The following VAV2 variants were observed in gnomAD, a reference collection of about 807,000 sequenced individuals.
VAV2 encodes vav guanine nucleotide exchange factor 2, also known as guanine nucleotide exchange factor VAV2.
VAV2 carries 67 observed loss-of-function variants against 132.5 expected under a neutral mutation model. The observed-to-expected ratio is 0.51, with a 90% CI of 0.42 to 0.62. The LOEUF is 0.62. Ranked by LOEUF, VAV2 falls within the 20% of genes least tolerant of loss-of-function variation. The probability of loss-of-function intolerance (pLI) is 0.00; values close to 1 mark genes in which losing one functional copy is unlikely to be tolerated. For missense variants in VAV2, 938 were observed against 1,153.6 expected, an observed-to-expected ratio of 0.81 and a Z score of 2.71; for synonymous variants, 492 against 443.5, an observed-to-expected ratio of 1.11 and a Z score of -1.37.
At chr9:133,807,502 G>A (rs1835196224) in intron 7 of VAV2, among the ~76,000 whole-genome samples, 176 bp from the exon 8 acceptor site, 2 of 152,240 alleles carry the variant, frequency 1.3e-5, no homozygotes, top group Middle Eastern at 3.2e-3. Flanking sequence ...GGTGAGTGCA[G>A]GGCAGGAAGG....
At chr9:133,781,522 G>A (rs1834007155) in intron 19 of VAV2, among the ~76,000 whole-genome samples, 1 of 152,150 alleles carries the variant, frequency 6.6e-6, no homozygotes, top group Non-Finnish European at 1.5e-5. Flanking sequence ...CAATGACTGT[G>A]CCTGATGGGG....
intron 8 of VAV2, among the ~76,000 whole-genome samples, 194 bp from the exon 9 acceptor site, chr9:133,806,375 A>C (rs1835144162): frequency 6.6e-6 from 1 of 152,194 alleles, no homozygotes; most frequent in Non-Finnish European, 1.5e-5. Flanking sequence ...ATGGTGCAAC[A>C]GAAGAGCCAG....
intron 1 of VAV2, among the ~76,000 whole-genome samples, chr9:133,978,108 G>GTCC (rs1229748699): frequency 6.6e-6 from 1 of 152,270 alleles, no homozygotes; most frequent in Non-Finnish European, 1.5e-5. Flanking sequence ...GGAGCGGGGA[G>GTCC]GCACACGGTG....
chr9:133,839,787 TCA>T (rs1192449674), intron 3 of VAV2, among the ~76,000 whole-genome samples: 1 of 152,170 alleles, frequency 6.6e-6, no homozygotes, highest in African/African-American at 2.4e-5. Flanking sequence ...TTGTAAGAGA[TCA>T]CACAGAGGTA....
chr9:133,784,262 G>T (rs1834128826), intron 18 of VAV2, 55 bp downstream of exon 18: 1 of 1,563,590 alleles, frequency 6.4e-7, no homozygotes, highest in Non-Finnish European at 8.8e-7. Context: ...GCTCTCTCAG[G>T]GGCCTGGGCT....
At chr9:133,798,436 G>A (rs1419634574) in intron 9 of VAV2, among the ~76,000 whole-genome samples, 1 of 152,168 alleles carries the variant, frequency 6.6e-6, no homozygotes, top group Non-Finnish European at 1.5e-5. Context: ...GCCTCCTCCT[G>A]GCCCCAGCAT....
intron 29 of VAV2, among the ~76,000 whole-genome samples, chr9:133,766,539 C>T (rs529092288): frequency 4.3e-4 from 66 of 151,864 alleles, no homozygotes; most frequent in African/African-American, 1.0e-3. Flanking sequence ...AACCAAACAC[C>T]GCATGTTCTC....
intron 7 of VAV2, 121 bp from the exon 8 acceptor site, chr9:133,807,447 C>G (rs1254613209): frequency 1.2e-5 from 11 of 956,058 alleles, no homozygotes; most frequent in Non-Finnish European, 1.7e-5. Context: ...TCCATGCTTA[C>G]TGGGGTAGCC....
intron 1 of VAV2, among the ~76,000 whole-genome samples, chr9:133,987,518 G>C (rs1238833694): frequency 6.6e-6 from 1 of 152,260 alleles, no homozygotes; most frequent in East Asian, 1.9e-4. Flanking sequence ...CCATCGCCAG[G>C]CTGGCGTGTC....
At chr9:133,881,960 G>A (rs1309068480) in intron 2 of VAV2, among the ~76,000 whole-genome samples, 1 of 152,158 alleles carries the variant, frequency 6.6e-6, no homozygotes, top group Non-Finnish European at 1.5e-5. Context: ...CTTGCCAGGT[G>A]CCCAGCGAGT....
intron 2 of VAV2, among the ~76,000 whole-genome samples, chr9:133,871,518 T>C (rs1838055079): frequency 6.7e-6 from 1 of 150,196 alleles, no homozygotes; most frequent in African/African-American, 2.5e-5. Context: ...GGATGGATGG[T>C]GGGTAGATGG....
At chr9:133,814,481 G>A (rs893798204) in intron 4 of VAV2, among the ~76,000 whole-genome samples, 1 of 152,262 alleles carries the variant, frequency 6.6e-6, no homozygotes, top group Non-Finnish European at 1.5e-5. Flanking sequence ...CTTCCAGGCT[G>A]CTGAACGAGA....
intron 22 of VAV2, among the ~76,000 whole-genome samples, 188 bp downstream of exon 22, chr9:133,778,574 T>C (rs538884461): frequency 2.3e-3 from 352 of 152,282 alleles, no homozygotes; most frequent in Middle Eastern, 6.8e-3. Flanking sequence ...CAAGAACACA[T>C]GCCATGGCGC....
chr9:133,841,290 C>A (rs542148619), intron 3 of VAV2, among the ~76,000 whole-genome samples: 2 of 151,806 alleles, frequency 1.3e-5, no homozygotes, highest in East Asian at 3.9e-4. Context: ...ACACCACCAC[C>A]GCCCCAGGAT....
chr9:133,914,799 A>G (rs1564461615), intron 2 of VAV2, among the ~76,000 whole-genome samples: 2 of 938 alleles, frequency 2.1e-3, no homozygotes, highest in Non-Finnish European at 4.7e-3. Context: ...GGAGGAGGAG[A>G]GGGGAAGGGA....
At chr9:133,908,720 G>A (rs570326729) in intron 2 of VAV2, among the ~76,000 whole-genome samples, 52 of 152,370 alleles carry the variant, frequency 3.4e-4, no homozygotes, top group Non-Finnish European at 6.0e-4. Context: ...CTGGGAGGGC[G>A]TCCCCACGCC....
In VAV2 at chr9:133,824,080, C is replaced by T. The variant is rs1440958354; in HGVS notation, c.449+10192G>A. Among the ~76,000 whole-genome samples, 1 of 152,132 alleles carries T rather than the reference C, an allele frequency of 6.6e-6. No individual in the cohort carries two copies. The highest frequency in any genetic ancestry group is 1.5e-5 in the Non-Finnish European group (1 of 68,012). On this transcript the variant is annotated intron_variant, in intron 4 of 29. Coordinates refer to ENST00000371850, the MANE Select transcript of VAV2 (RefSeq NM_001134398.2). This position sits in a 1 kb window ranked among gnomAD's most constrained non-coding sequence, Gnocchi z 5.2. Reference sequence around the variant, plus strand: ...TGGGGCCCACTGTGGTGCCAGAGTACCAAGGGGCCCACAAGATGTCCGAGG... The same window carrying T: ...TGGGGCCCACTGTGGTGCCAGAGTATCAAGGGGCCCACAAGATGTCCGAGG...
At chr9:133,791,944 ACTGGGTGGGGTGTGTGTG>A in intron 12 of VAV2, 75 bp from the exon 13 acceptor site, 1 of 1,169,064 alleles carries the variant, frequency 8.6e-7, no homozygotes, top group Non-Finnish European at 1.2e-6. Context: ...AGCAGGCTGT[ACTGGGTGGGGTGTGTGTG>A]CATGTGAGCG....
intron 6 of VAV2, among the ~76,000 whole-genome samples, chr9:133,809,914 G>A (rs547135983): frequency 2.6e-5 from 4 of 152,328 alleles, no homozygotes; most frequent in African/African-American, 7.2e-5. Flanking sequence ...CACAGCGCTC[G>A]TGTCGGCCCT....
Sources: allele counts gnomAD v4.1 joint callset (sites outside exome capture counted in the v4.1 genomes callset), GRCh38; gene constraint gnomAD v4.1.1; non-coding constraint Gnocchi (gnomAD v3.1); transcripts MANE v1.5; gene names NCBI Gene and HGNC (gene_info 2026-07-23, HGNC 2026-07-21).